NOS1: variants seen among roughly 807,000 people sequenced by gnomAD.
NOS1 encodes nitric oxide synthase 1.
Under a neutral mutation model 164.5 loss-of-function variants are expected in NOS1, and 51 were observed. That is an observed-to-expected ratio of 0.31 (90% confidence interval 0.25 to 0.39). The LOEUF (loss-of-function observed/expected upper bound fraction) is 0.39, where lower values mean the gene tolerates loss of function less well. NOS1 is among the 10% of genes least tolerant of loss of function. NOS1 has a pLI of 1.00. For missense variants in NOS1, 1,362 were observed against 1,885.6 expected (o/e 0.72, Z 5.14); for synonymous variants, 719 against 745.8 (o/e 0.96, Z 0.59).
At position 117,214,833 on chromosome 12, in the gene NOS1, T is replaced by TCTCACACACA. The variant is rs144158800; in HGVS notation, c.*475_*476insTGTGTGTGAG. ...AGAGGACGGACAGAGACCTGGCCCA[T>TCTCACACACA]CACACACACACACACACACACACAC... On this transcript the variant is annotated 3_prime_UTR_variant, in exon 29 of 29. Coordinates refer to ENST00000317775, the MANE Select transcript of NOS1 (RefSeq NM_000620.5). 1.8e-6 allele frequency: 1 copy of TCTCACACACA among 565,862 alleles called. No homozygotes were observed. Among genetic ancestry groups the TCTCACACACA allele is most frequent in the Non-Finnish European group, 2.2e-6 (1 of 445,450 alleles). The allele number at this position is 565,862 out of a possible 1,614,324, so 35.1% of individuals were successfully genotyped here. A position where few individuals can be genotyped will look rare whatever the true frequency, so the allele number is the denominator to read the frequency against.
Position 117,247,556 on chromosome 12 carries a change from G to T in NOS1, c.2649-34C>A, listed in dbSNP as rs780292074. ...GAGATGACAGAATGTTCATGCTAAG[G>T]GACTGTGGGGAATGTGGGGAGTGTC... is the stretch of plus-strand genomic sequence containing the variant. On this transcript the variant is annotated intron_variant, in intron 17 of 28. Coordinates refer to ENST00000317775, the MANE Select transcript of NOS1 (RefSeq NM_000620.5). 4 of 1,570,546 alleles carry T rather than the reference G, an allele frequency of 2.5e-6. No homozygotes were observed. In the South Asian group the frequency reaches 4.7e-5, roughly 19 times the overall value.
rs1427433358 is a variant in NOS1, at chr12:117,234,517, CT to C, written c.3235+47del. Reference sequence around the variant, plus strand: ...AGGTATCTTCTTCCCGAGACACCCACTGCCTCTGCAGCTCCCTAGAGCAGGG... The same window carrying C: ...AGGTATCTTCTTCCCGAGACACCCACGCCTCTGCAGCTCCCTAGAGCAGGG... On this transcript the variant is annotated intron_variant, in intron 21 of 28. Transcript: ENST00000317775. This position sits in a 1 kb window ranked among gnomAD's most constrained non-coding sequence, Gnocchi z 4.3. 6.4e-7 allele frequency: 1 copy of C among 1,570,438 alleles called. No homozygotes were observed. The highest frequency in any genetic ancestry group is 2.3e-5 in the East Asian group (1 of 44,238).
intron 7 of NOS1, among the ~76,000 whole-genome samples, chr12:117,283,547 A>G (rs968159238): frequency 6.6e-6 from 1 of 152,178 alleles, no homozygotes; most frequent in Non-Finnish European, 1.5e-5. Flanking sequence ...GAGCCTGCTC[A>G]GAGCCCCATT....
chr12:117,310,277 C>T (rs374133196), intron 3 of NOS1, among the ~76,000 whole-genome samples: 19 of 152,236 alleles, frequency 1.2e-4, no homozygotes, highest in Admixed American at 5.9e-4. Context: ...TCACTCATTA[C>T]GGCACTGTCA....
Position 117,212,063 on chromosome 12 carries a change from C to CAAAAA in NOS1, c.*3241_*3245dup. The CAAAAA allele has an allele frequency of 7.8e-6, 6 of 772,794 alleles. No homozygotes were observed. Among genetic ancestry groups the CAAAAA allele is most frequent in the South Asian group, 1.2e-4 (2 of 16,808 alleles). The allele number at this position is 772,794 out of a possible 1,614,324, so 47.9% of individuals were successfully genotyped here. A position where few individuals can be genotyped will look rare whatever the true frequency, so the allele number is the denominator to read the frequency against. On this transcript the variant is annotated 3_prime_UTR_variant, in exon 29 of 29. Transcript: ENST00000317775. ...CCTGGGTGACAGAGCAAGACTCTGT[C>CAAAAA]AAAAAAAAAAATAGATTCTAACCTT...
Position 117,291,031 on chromosome 12 carries a change from G to C in NOS1, c.853-605C>G, listed in dbSNP as rs987936428. ...AGTTCGAGATCAGCCTGGCCAACTT[G>C]GTGAAACCTTGTCTCTATTAAAAAA... On this transcript the variant is annotated intron_variant, in intron 3 of 28. Coordinates refer to ENST00000317775, the MANE Select transcript of NOS1 (RefSeq NM_000620.5). 4.6e-5 allele frequency among the ~76,000 whole-genome samples: 7 copies of C among 152,192 alleles called. No homozygotes were observed. In the South Asian group the frequency reaches 1.2e-3, roughly 27 times the overall value.
In NOS1 at chr12:117,213,127, T is replaced by C. The variant is rs1956553514; in HGVS notation, c.*2182A>G. The C allele has an allele frequency of 1.0e-6, 1 of 985,370 alleles. No homozygotes were observed. The highest frequency in any genetic ancestry group is 1.7e-5 in the African/African-American group (1 of 57,240). 61.0% of individuals were successfully genotyped at this position (985,370 alleles called of 1,614,324 possible). A position where few individuals can be genotyped will look rare whatever the true frequency, so the allele number is the denominator to read the frequency against. ...GCACCTTGTAAGCGCTTCTAAGTATTTATTCCCTGATGGAAAAGCATTCCT... is the reference window on the plus strand; with the variant it reads ...GCACCTTGTAAGCGCTTCTAAGTATCTATTCCCTGATGGAAAAGCATTCCT... On this transcript the variant is annotated 3_prime_UTR_variant, in exon 29 of 29. Coordinates refer to ENST00000317775, the MANE Select transcript of NOS1 (RefSeq NM_000620.5).
At chr12:117,239,272 A>C (rs1373080270) in intron 20 of NOS1, among the ~76,000 whole-genome samples, 2 of 152,076 alleles carry the variant, frequency 1.3e-5, no homozygotes, top group Non-Finnish European at 2.9e-5. Flanking sequence ...GCTGACCTTG[A>C]CTTCTGCTGT....
At chr12:117,353,577 TCATC>T (rs1476943804) in intron 1 of NOS1, among the ~76,000 whole-genome samples, 1 of 151,914 alleles carries the variant, frequency 6.6e-6, no homozygotes, top group Non-Finnish European at 1.5e-5. Context: ...GTCATAAGTC[TCATC>T]CCTGTTGGTT....
Position 117,272,324 on chromosome 12 carries a change from TGCTG to T in NOS1, c.1839+57_1839+60del, listed in dbSNP as rs1220009628. 94 of 1,588,562 alleles carry T rather than the reference TGCTG, an allele frequency of 5.9e-5. No individual in the cohort carries two copies. Among genetic ancestry groups the T allele is most frequent in the Non-Finnish European group, 1.2e-5 (14 of 1,159,038 alleles). The stretch of plus-strand genomic sequence containing the variant: ...CCAAGCTCGCCGTGGGGAAGGGGAC[TGCTG>T]AGCTGGCACCCTCTGCTATGTGCTT... On this transcript the variant is annotated intron_variant, in intron 10 of 28. Transcript: ENST00000317775. This position sits in a 1 kb window ranked among gnomAD's most constrained non-coding sequence, Gnocchi z 4.3.
Position 117,331,058 on chromosome 12 carries a change from G to A in NOS1, c.12C>T (p.His4=). The stretch of plus-strand genomic sequence containing the variant: ...GCTGGATTTGCTGAACACCGAACAT[G>A]TGATCCTCCATGGTAACTAGCTTCC... MED[H]MFGVQQIQPN... Residue 4 remains histidine, a synonymous_variant, in exon 2 of 29, where the codon CAC becomes CAT. Transcript: ENST00000317775. The A allele has an allele frequency of 6.2e-7, 1 of 1,611,162 alleles. No homozygotes were observed. The highest frequency in any genetic ancestry group is 8.5e-7 in the Non-Finnish European group (1 of 1,177,896).
chr12:117,257,531 C>G (rs12425263), intron 16 of NOS1, among the ~76,000 whole-genome samples: 1 of 150,744 alleles, frequency 6.6e-6, no homozygotes, highest in Admixed American at 6.6e-5. Flanking sequence ...AACTCAACTT[C>G]TAGATTAGCT....
At chr12:117,314,851 C>G (rs944063037) in intron 2 of NOS1, among the ~76,000 whole-genome samples, 6 of 152,190 alleles carry the variant, frequency 3.9e-5, no homozygotes, top group African/African-American at 1.4e-4. Context: ...AGGCGATCCA[C>G]CTGCCTTGGC....
intron 1 of NOS1, among the ~76,000 whole-genome samples, chr12:117,339,911 TG>T (rs1876018110): frequency 6.6e-6 from 1 of 152,202 alleles, no homozygotes; most frequent in Non-Finnish European, 1.5e-5. Context: ...TCAGTACCAG[TG>T]GTTACTTCTA....
intron 3 of NOS1, among the ~76,000 whole-genome samples, chr12:117,304,195 A>G (rs1274143034): frequency 6.6e-6 from 1 of 152,042 alleles, no homozygotes; most frequent in African/African-American, 2.4e-5. Flanking sequence ...CAAAAACACA[A>G]CATGTGTCTC....
At position 117,290,398 on chromosome 12, in the gene NOS1, G is replaced by A; in HGVS notation, c.881C>T (p.Thr294Ile). ...ACACTTGGAGGGGCTGCCATTCTTT[G>A]TGGGGGACTGTTTTCCTGAGGTGGG... ...QPPTSGKQSP[T>I]KNGSPSKCPR... is the part of the protein sequence containing the mutation. Residue 294 changes from threonine to isoleucine, a missense_variant, in exon 4 of 29, where the codon ACA becomes ATA. Physicochemically the swap from Thr to Ile is moderately conservative, Grantham distance 89. Around this residue, in one of 4 missense-constraint regions of NOS1, gnomAD observed 362 missense variants for 402.0 expected, o/e 0.90. Coordinates refer to ENST00000317775, the MANE Select transcript of NOS1 (RefSeq NM_000620.5). 6.2e-7 allele frequency: 1 copy of A among 1,613,620 alleles called. No homozygotes were observed. The highest frequency in any genetic ancestry group is 8.5e-7 in the Non-Finnish European group (1 of 1,179,738).
chr12:117,333,741 G>A (rs1875664129), intron 1 of NOS1, among the ~76,000 whole-genome samples: 1 of 152,150 alleles, frequency 6.6e-6, no homozygotes, highest in Non-Finnish European at 1.5e-5. Context: ...GCTGTGTGTG[G>A]CCCGGGTGTC....
At chr12:117,324,715 C>CTAAATAAATAAATAAATAAATAAA (rs56906790) in intron 2 of NOS1, among the ~76,000 whole-genome samples, 2,465 of 149,294 alleles carry the variant, frequency 0.017, 70 homozygotes, top group African/African-American at 0.056. Flanking sequence ...GACTCTGTCT[C>CTAAATAAATAAATAAATAAATAAA]TAAATAAATA....
chr12:117,297,818 G>A (rs9658317), intron 3 of NOS1, among the ~76,000 whole-genome samples: 2,262 of 152,136 alleles, frequency 0.015, 52 homozygotes, highest in African/African-American at 0.051. Flanking sequence ...AGACACAGAG[G>A]CCAAGCACCT....
Sources: gnomAD v4.1 joint callset for allele counts (sites outside exome capture counted in the v4.1 genomes callset) on GRCh38, gnomAD v4.1.1 for gene constraint, gnomAD v4.1.1 regional missense constraint, Gnocchi (gnomAD v3.1) non-coding constraint, MANE v1.5 for transcripts, NCBI Gene and HGNC (gene_info 2026-07-23, HGNC 2026-07-21) for gene names.